The following GALNT13 variants were observed in gnomAD, a reference collection of about 807,000 sequenced individuals.
GALNT13 encodes the protein UDP-GalNAc:polypeptide N-acetylgalactosaminyltransferase 13.
Under a neutral mutation model 64.2 loss-of-function variants are expected in GALNT13, and 28 were observed. The ratio of observed to expected loss-of-function variants is 0.44; its 90% CI spans 0.32 to 0.60. GALNT13 has a LOEUF of 0.60. Among genes scored for constraint, GALNT13 ranks in the 20% least tolerant of loss-of-function variants. The pLI is 0.05. For missense variants in GALNT13, 577 were observed against 669.8 expected (o/e 0.86, Z 1.53); for synonymous variants, 214 against 224.6 (o/e 0.95, Z 0.42).
chr2:153,654,692 A>G, the GALNT13 span, among the ~76,000 whole-genome samples: 2 of 152,172 alleles, frequency 1.3e-5, no homozygotes, highest in African/African-American at 4.8e-5. Context: ...AATTATTTAT[A>G]TAGTATTCAC....
At chr2:153,118,106 C>T in the GALNT13 span, among the ~76,000 whole-genome samples, 3 of 123,134 alleles carry the variant, frequency 2.4e-5, no homozygotes, top group Admixed American at 9.6e-5. Flanking sequence ...TCACTATGTA[C>T]CAACACACAC....
At chr2:154,332,125 C>T (rs1186599003) in intron 9 of GALNT13, among the ~76,000 whole-genome samples, 2 of 152,070 alleles carry the variant, frequency 1.3e-5, no homozygotes, top group African/African-American at 4.8e-5. Flanking sequence ...CACTTAGCCT[C>T]TGTATCTTTA....
the GALNT13 span, among the ~76,000 whole-genome samples, chr2:153,574,238 T>C: frequency 2.0e-5 from 3 of 151,958 alleles, no homozygotes; most frequent in Non-Finnish European, 4.4e-5. Context: ...AAATCCGTTA[T>C]ATGTTATTTA....
At chr2:153,724,128 C>G in the GALNT13 span, among the ~76,000 whole-genome samples, 1 of 138,634 alleles carries the variant, frequency 7.2e-6, no homozygotes, top group East Asian at 2.0e-4. Context: ...TGGAACAGAA[C>G]AGAGCCCTCA....
the GALNT13 span, among the ~76,000 whole-genome samples, chr2:153,651,048 AATAAATAACTTAT>A: frequency 3.2e-4 from 48 of 152,138 alleles, no homozygotes; most frequent in Admixed American, 7.2e-4. Flanking sequence ...TGTTATTCAA[AATAAATAACTTAT>A]AGAGATTTAC....
the GALNT13 span, among the ~76,000 whole-genome samples, chr2:153,364,168 G>C: frequency 1.3e-5 from 2 of 152,038 alleles, no homozygotes; most frequent in African/African-American, 2.4e-5. Flanking sequence ...TGCAGAAAAG[G>C]CCTTTGATAA....
chr2:153,681,517 T>G, the GALNT13 span, among the ~76,000 whole-genome samples: 5 of 151,806 alleles, frequency 3.3e-5, no homozygotes. Flanking sequence ...CCACTCTCTA[T>G]CATTAAAAGA....
chr2:153,187,809 C>A, the GALNT13 span, among the ~76,000 whole-genome samples: 2 of 152,112 alleles, frequency 1.3e-5, no homozygotes, highest in African/African-American at 4.8e-5. Context: ...ATTCTGTATA[C>A]TTGGAGCTGG....
intron 3 of GALNT13, among the ~76,000 whole-genome samples, chr2:153,973,999 G>C (rs1160522220): frequency 6.6e-6 from 1 of 152,018 alleles, no homozygotes; most frequent in Non-Finnish European, 1.5e-5. Flanking sequence ...TGTTACCAAT[G>C]ATTTATAGAC....
intron 4 of GALNT13, among the ~76,000 whole-genome samples, chr2:154,151,764 T>A (rs895664776): frequency 6.6e-6 from 1 of 152,216 alleles, no homozygotes; most frequent in African/African-American, 2.4e-5. Flanking sequence ...CCTGCCTTTT[T>A]TTGTTTTCCA....
chr2:153,233,787 G>T, the GALNT13 span, among the ~76,000 whole-genome samples: 1 of 152,170 alleles, frequency 6.6e-6, no homozygotes, highest in African/African-American at 2.4e-5. Context: ...CCTGACATTA[G>T]GTTTGTAGCA....
chr2:153,324,382 A>T, the GALNT13 span, among the ~76,000 whole-genome samples: 4 of 152,352 alleles, frequency 2.6e-5, no homozygotes, highest in East Asian at 5.8e-4. Context: ...TATCAGCTAA[A>T]GGAGATTTCG....
At chr2:153,177,812 G>T in the GALNT13 span, among the ~76,000 whole-genome samples, 3 of 151,944 alleles carry the variant, frequency 2.0e-5, no homozygotes, top group Non-Finnish European at 2.9e-5. Flanking sequence ...TATAGCAAAA[G>T]AAAAAACCCA....
the GALNT13 span, among the ~76,000 whole-genome samples, chr2:153,257,689 A>C: frequency 6.6e-6 from 1 of 152,196 alleles, no homozygotes; most frequent in African/African-American, 2.4e-5. Context: ...TGCTATGAAT[A>C]AAATTTGAAG....
chr2:154,373,290 A>C (rs1484002054), intron 9 of GALNT13, among the ~76,000 whole-genome samples: 1 of 152,190 alleles, frequency 6.6e-6, no homozygotes, highest in African/African-American at 2.4e-5. Context: ...ATTAAGTATA[A>C]GAAATGTTAT....
chr2:154,228,230 T>G (rs919393112), intron 4 of GALNT13, among the ~76,000 whole-genome samples: 5 of 151,822 alleles, frequency 3.3e-5, no homozygotes, highest in Non-Finnish European at 7.4e-5. Context: ...TATGTAAAAT[T>G]AAATGAGCGC....
At chr2:153,270,061 T>C in the GALNT13 span, among the ~76,000 whole-genome samples, 4 of 152,242 alleles carry the variant, frequency 2.6e-5, no homozygotes, top group Non-Finnish European at 1.5e-5. Context: ...TGTGTGTCTC[T>C]GGAGAAGAAC....
chr2:153,520,670 T>C, the GALNT13 span, among the ~76,000 whole-genome samples: 1 of 152,218 alleles, frequency 6.6e-6, no homozygotes, highest in African/African-American at 2.4e-5. Context: ...TTTCCTGCTA[T>C]TGACTGCCCT....
the GALNT13 span, among the ~76,000 whole-genome samples, chr2:153,209,798 T>G: frequency 2.0e-5 from 3 of 152,154 alleles, no homozygotes; most frequent in Non-Finnish European, 4.4e-5. Flanking sequence ...TTCTGATGTT[T>G]GAGAACAGTG....
Sources: allele counts gnomAD v4.1 joint callset (sites outside exome capture counted in the v4.1 genomes callset), GRCh38; gene constraint gnomAD v4.1.1; transcripts MANE v1.5; gene names NCBI Gene and HGNC (gene_info 2026-07-23, HGNC 2026-07-21).